GRTP1: variants seen among roughly 807,000 people sequenced by gnomAD.
GRTP1 encodes growth hormone regulated TBC protein 1, also known as growth hormone-regulated TBC protein 1.
Under a neutral mutation model 38.1 loss-of-function variants are expected in GRTP1, and 56 were observed. That is an observed-to-expected ratio of 1.47 (90% confidence interval 1.19 to 1.84). The LOEUF is 1.84. GRTP1 is among the 40% of genes most tolerant of loss of function. The pLI, the probability that GRTP1 is intolerant of heterozygous loss-of-function variation, is 0.00. For missense variants in GRTP1, 506 were observed against 453.9 expected, an observed-to-expected ratio of 1.11 and a Z score of -1.04; for synonymous variants, 217 against 189.5, an observed-to-expected ratio of 1.14 and a Z score of -1.19.
rs992057217 is a variant in GRTP1, at chr13:113,343,184, C to T, written c.562+1679G>A. On this transcript the variant is annotated intron_variant, in intron 5 of 7. Coordinates refer to ENST00000375431, the MANE Select transcript of GRTP1 (RefSeq NM_024719.4). The surrounding 1 kb of genome is among the most constrained non-coding windows in gnomAD (Gnocchi z 4.8). Reference sequence around the variant, plus strand: ...ACATAACCGAAGCAGGCTGTGAGCCCGTTTCCATGTCCTACCAATCCCACA... The same window carrying T: ...ACATAACCGAAGCAGGCTGTGAGCCTGTTTCCATGTCCTACCAATCCCACA... Among the ~76,000 whole-genome samples the T allele has an allele frequency of 1.3e-5, 2 of 152,176 alleles. No homozygotes were observed. Among genetic ancestry groups the T allele is most frequent in the Non-Finnish European group, 1.5e-5 (1 of 68,040 alleles).
Position 113,334,211 on chromosome 13 carries a change from C to G in GRTP1, c.563-8120G>C, listed in dbSNP as rs374578430. Among the ~76,000 whole-genome samples, 33 of 150,236 alleles carry G rather than the reference C, an allele frequency of 2.2e-4. 1 individual carries two copies. The highest frequency in any genetic ancestry group is 7.6e-4 in the African/African-American group (31 of 40,946). Reference sequence around the variant, plus strand: ...CTTGAGACAGATAACATGAGAAACTCTCTGTAGGGTCCGGAGGACCGAGAG... The same window carrying G: ...CTTGAGACAGATAACATGAGAAACTGTCTGTAGGGTCCGGAGGACCGAGAG... On this transcript the variant is annotated intron_variant, in intron 5 of 7. Coordinates refer to ENST00000375431, the MANE Select transcript of GRTP1 (RefSeq NM_024719.4).
At chr13:113,355,672 A>G in intron 2 of GRTP1, 191 bp from the exon 3 acceptor site, 1 of 564,892 alleles carries the variant, frequency 1.8e-6, no homozygotes, top group South Asian at 3.6e-5. Context: ...TCTCCCTCTC[A>G]ACAGAGCACA....
chr13:113,354,265 A>G (rs1337811924), intron 3 of GRTP1, among the ~76,000 whole-genome samples: 1 of 151,960 alleles, frequency 6.6e-6, no homozygotes, highest in Non-Finnish European at 1.5e-5. Context: ...TGTGGTCAGG[A>G]TGCAGCCTCT....
rs975418351 is a variant in GRTP1 at position 113,324,246 on chromosome 13, T to C, written c.*242A>G. 1 of 465,172 alleles carries C rather than the reference T, an allele frequency of 2.1e-6. No homozygotes were observed. The highest frequency in any genetic ancestry group is 3.6e-6 in the Non-Finnish European group (1 of 278,586). 28.8% of individuals were successfully genotyped at this position (465,172 alleles called of 1,614,324 possible). A position where few individuals can be genotyped will look rare whatever the true frequency, so the allele number is the denominator to read the frequency against. On this transcript the variant is annotated 3_prime_UTR_variant, in exon 8 of 8. Transcript: ENST00000375431. ...GATACAAACCCACACTCACATTTTATATATTATTGATCTCTCAGGTAAAAA... is the reference window on the plus strand; with the variant it reads ...GATACAAACCCACACTCACATTTTACATATTATTGATCTCTCAGGTAAAAA...
intron 5 of GRTP1, among the ~76,000 whole-genome samples, chr13:113,326,360 G>A (rs888077991): frequency 7.3e-6 from 1 of 136,882 alleles, no homozygotes; most frequent in African/African-American, 3.1e-5. Flanking sequence ...AAAATCTGCA[G>A]GTGGAGGGTG....
intron 5 of GRTP1, among the ~76,000 whole-genome samples, chr13:113,336,931 A>C (rs2042963153): frequency 6.6e-6 from 1 of 152,230 alleles, no homozygotes; most frequent in African/African-American, 2.4e-5. Flanking sequence ...ACCAGGAAAT[A>C]ATGTTTCTGA....
Position 113,363,742 on chromosome 13 carries a change from C to T in GRTP1, c.181+20G>A, listed in dbSNP as rs1482851833. 1 of 1,600,412 alleles carries T rather than the reference C, an allele frequency of 6.2e-7. No individual in the cohort carries two copies. Among genetic ancestry groups the T allele is most frequent in the African/African-American group, 1.3e-5 (1 of 74,730 alleles). ...AACCCACCTGCGCCCTCGGGACCCA[C>T]CTGCGCCCCCGGGACCCACCTGTCC... is the stretch of plus-strand genomic sequence containing the variant. On this transcript the variant is annotated intron_variant, in intron 2 of 7. Coordinates refer to ENST00000375431, the MANE Select transcript of GRTP1 (RefSeq NM_024719.4).
chr13:113,363,653 C>A, intron 2 of GRTP1, 109 bp downstream of exon 2: 1 of 1,173,084 alleles, frequency 8.5e-7, no homozygotes, highest in Non-Finnish European at 1.2e-6. Flanking sequence ...CCGACCTGCC[C>A]GGAAAGGTTC....
intron 4 of GRTP1, among the ~76,000 whole-genome samples, chr13:113,345,253 A>T (rs1178369911): frequency 6.6e-6 from 1 of 152,288 alleles, no homozygotes; most frequent in African/African-American, 2.4e-5. Flanking sequence ...ATAAAAGAAC[A>T]TAACTTACCA....
chr13:113,330,118 TGTGTGCATGGAAACCCAGGA>T, intron 5 of GRTP1, among the ~76,000 whole-genome samples: 4 of 140,756 alleles, frequency 2.8e-5, no homozygotes, highest in East Asian at 2.1e-4. Context: ...GAAACCCGGG[TGTGTGCATGGAAACCCAGGA>T]GTGTGCATGG....
Position 113,364,072 on chromosome 13 carries a change from C to T in GRTP1, c.-21G>A. Reference sequence around the variant, plus strand: ...TGCATGCGGGGAGGGAGGCGCGCACCGAGCGAGGCCAGCGGGTCCCAAGTT... The same window carrying T: ...TGCATGCGGGGAGGGAGGCGCGCACTGAGCGAGGCCAGCGGGTCCCAAGTT... On this transcript the variant is annotated 5_prime_UTR_variant, in exon 1 of 8. Coordinates refer to ENST00000375431, the MANE Select transcript of GRTP1 (RefSeq NM_024719.4). 8.0e-7 allele frequency: 1 copy of T among 1,253,514 alleles called. No homozygotes were observed. Among genetic ancestry groups the T allele is most frequent in the Non-Finnish European group, 1.0e-6 (1 of 1,004,852 alleles). 77.6% of individuals were successfully genotyped at this position (1,253,514 alleles called of 1,614,324 possible).
chr13:113,343,424 C>T lies in GRTP1; in HGVS notation c.562+1439G>A, dbSNP rs9603829. ...GGGTTCCCTTCCTCTGGGGCGGCTC[C>T]GTCAGGCTGGTCTCTGGCATCCTCA... On this transcript the variant is annotated intron_variant, in intron 5 of 7. Transcript: ENST00000375431. This position sits in a 1 kb window ranked among gnomAD's most constrained non-coding sequence, Gnocchi z 4.8. Among the ~76,000 whole-genome samples the T allele has an allele frequency of 0.24, 37,049 of 152,064 alleles. 6,336 individuals carry two copies. Among genetic ancestry groups the T allele is most frequent in the African/African-American group, 0.48 (20,019 of 41,440 alleles).
intron 2 of GRTP1, among the ~76,000 whole-genome samples, chr13:113,359,087 ACAAGGTCCTGG>A (rs771542637): frequency 6.6e-6 from 1 of 152,248 alleles, no homozygotes; most frequent in Non-Finnish European, 1.5e-5. Flanking sequence ...ATTGACACAT[ACAAGGTCCTGG>A]ATGGATCTCC....
intron 5 of GRTP1, among the ~76,000 whole-genome samples, chr13:113,331,903 CA>C (rs1372527943): frequency 6.6e-6 from 1 of 150,806 alleles, no homozygotes; most frequent in Non-Finnish European, 1.5e-5. Flanking sequence ...GCGATCCACC[CA>C]CCTCGGCCTC....
intron 5 of GRTP1, among the ~76,000 whole-genome samples, chr13:113,336,144 C>T (rs1298650149): frequency 6.6e-6 from 1 of 152,126 alleles, no homozygotes; most frequent in Non-Finnish European, 1.5e-5. Context: ...GTGTGCACCC[C>T]ACTTTCCTTA....
At chr13:113,338,528 G>A (rs1816570082) in intron 5 of GRTP1, among the ~76,000 whole-genome samples, 2 of 152,118 alleles carry the variant, frequency 1.3e-5, no homozygotes, top group African/African-American at 4.8e-5. Flanking sequence ...GGAGGCCTGA[G>A]ATGGGATCTC....
intron 5 of GRTP1, among the ~76,000 whole-genome samples, chr13:113,336,468 A>G (rs947267422): frequency 5.3e-5 from 8 of 152,112 alleles, no homozygotes; most frequent in Non-Finnish European, 1.2e-4. Flanking sequence ...ACTTGGACTC[A>G]GCACCAGGCC....
chr13:113,325,501 G>A, intron 7 of GRTP1, 160 bp downstream of exon 7: 1 of 1,483,516 alleles, frequency 6.7e-7, no homozygotes, highest in Non-Finnish European at 8.9e-7. Context: ...CGGAGGCCAG[G>A]CGCAGGGGGC....
intron 2 of GRTP1, among the ~76,000 whole-genome samples, chr13:113,363,266 G>A (rs2043531708): frequency 6.6e-6 from 1 of 152,228 alleles, no homozygotes; most frequent in Admixed American, 6.5e-5. Context: ...GGAGTGCAAT[G>A]GCGCAATCTC....
Sources: gnomAD v4.1 joint callset for allele counts (sites outside exome capture counted in the v4.1 genomes callset) on GRCh38, gnomAD v4.1.1 for gene constraint, Gnocchi (gnomAD v3.1) non-coding constraint, MANE v1.5 for transcripts, NCBI Gene and HGNC (gene_info 2026-07-23, HGNC 2026-07-21) for gene names.